Variants in FRMD4A observed in about 807,000 individuals in gnomAD.
FRMD4A encodes the protein FERM domain-containing protein 4A.
Under a neutral mutation model 129.1 loss-of-function variants are expected in FRMD4A, and 29 were observed. The observed-to-expected ratio is 0.22, with a 90% CI of 0.17 to 0.31. The LOEUF (loss-of-function observed/expected upper bound fraction) is 0.31. Ranked by LOEUF, FRMD4A falls within the 10% of genes least tolerant of loss-of-function variation. The probability of loss-of-function intolerance (pLI) is 1.00; values close to 1 mark genes in which losing one functional copy is unlikely to be tolerated. For missense variants in FRMD4A, 1,272 were observed against 1,375.8 expected (o/e 0.92, Z 1.19); for synonymous variants, 634 against 571.6 (o/e 1.11, Z -1.56).
intron 3 of FRMD4A, among the ~76,000 whole-genome samples, chr10:13,857,865 C>A (rs964438083): frequency 6.6e-6 from 1 of 152,192 alleles, no homozygotes; most frequent in African/African-American, 2.4e-5. Flanking sequence ...GAGTTGGAGA[C>A]ACCATTCTTT....
intron 2 of FRMD4A, among the ~76,000 whole-genome samples, chr10:14,033,739 C>G (rs1443403607): frequency 6.8e-6 from 1 of 147,692 alleles, no homozygotes; most frequent in Non-Finnish European, 1.5e-5. Flanking sequence ...GAGCCGAGAT[C>G]GTGTCATTGC....
intron 2 of FRMD4A, among the ~76,000 whole-genome samples, chr10:14,099,375 A>G (rs1358402599): frequency 6.6e-6 from 1 of 152,234 alleles, no homozygotes; most frequent in Non-Finnish European, 1.5e-5. Context: ...CAAGATAATT[A>G]CGATCAGAAT....
At chr10:14,027,758 C>T (rs1833051062) in intron 2 of FRMD4A, among the ~76,000 whole-genome samples, 1 of 152,206 alleles carries the variant, frequency 6.6e-6, no homozygotes, top group Non-Finnish European at 1.5e-5. Context: ...AGCACTGGGG[C>T]TCTAGAAGAA....
chr10:14,229,190 A>G (rs1019680951), intron 2 of FRMD4A, among the ~76,000 whole-genome samples: 1 of 151,998 alleles, frequency 6.6e-6, no homozygotes, highest in Non-Finnish European at 1.5e-5. Context: ...GGATAAGACA[A>G]CTTTCTCATT....
intron 2 of FRMD4A, among the ~76,000 whole-genome samples, chr10:14,286,772 C>A (rs945803487): frequency 6.6e-6 from 1 of 152,032 alleles, no homozygotes; most frequent in Non-Finnish European, 1.5e-5. Context: ...TAAACAAATC[C>A]ACCCTTCAAA....
At chr10:13,769,268 T>A (rs2092385083) in intron 6 of FRMD4A, among the ~76,000 whole-genome samples, 1 of 151,760 alleles carries the variant, frequency 6.6e-6, no homozygotes, top group Non-Finnish European at 1.5e-5. Context: ...TCACCGTGTC[T>A]GTGGTGTATT....
intron 2 of FRMD4A, among the ~76,000 whole-genome samples, chr10:14,089,985 T>C (rs1317894265): frequency 3.3e-5 from 5 of 152,232 alleles, no homozygotes; most frequent in Admixed American, 6.5e-5. Flanking sequence ...CGATATTCTC[T>C]AGAAGAGAGG....
intron 2 of FRMD4A, among the ~76,000 whole-genome samples, chr10:13,936,739 G>A (rs1051250128): frequency 1.3e-5 from 2 of 152,266 alleles, no homozygotes; most frequent in Non-Finnish European, 2.9e-5. Flanking sequence ...TATTATACAA[G>A]CCTGAATAGA....
intron 2 of FRMD4A, among the ~76,000 whole-genome samples, chr10:13,929,901 C>T (rs1441561782): frequency 6.6e-5 from 10 of 152,090 alleles, no homozygotes; most frequent in Non-Finnish European, 1.5e-4. Context: ...TAAATACTCT[C>T]ATAAGGTTGC....
chr10:13,815,204 G>A (rs1191217226), intron 3 of FRMD4A, among the ~76,000 whole-genome samples: 1 of 152,192 alleles, frequency 6.6e-6, no homozygotes, highest in Admixed American at 6.5e-5. Flanking sequence ...AAACAAGGTT[G>A]AGATACACAG....
intron 2 of FRMD4A, among the ~76,000 whole-genome samples, chr10:14,287,392 C>T (rs949384012): frequency 7.9e-5 from 12 of 152,142 alleles, no homozygotes; most frequent in South Asian, 2.1e-4. Context: ...TTGAGTTTTA[C>T]AGTTAGTAGT....
intron 2 of FRMD4A, among the ~76,000 whole-genome samples, chr10:14,038,754 G>A (rs1833624269): frequency 6.6e-6 from 1 of 152,184 alleles, no homozygotes; most frequent in Admixed American, 6.5e-5. Context: ...AAGGCTGAAG[G>A]TTCCCCGGTG....
intron 2 of FRMD4A, among the ~76,000 whole-genome samples, chr10:13,934,562 A>G (rs914757445): frequency 1.2e-4 from 18 of 152,060 alleles, no homozygotes; most frequent in Admixed American, 6.6e-4. Flanking sequence ...AATCCCACTT[A>G]TATCCTTGTT....
chr10:13,779,172 C>T (rs1482386479), intron 6 of FRMD4A, among the ~76,000 whole-genome samples: 2 of 152,148 alleles, frequency 1.3e-5, no homozygotes, highest in Admixed American at 1.3e-4. Context: ...CAAAAATTAG[C>T]CAGGTGTGAT....
At chr10:13,734,258 C>T (rs1046521704) in intron 12 of FRMD4A, among the ~76,000 whole-genome samples, 1 of 152,204 alleles carries the variant, frequency 6.6e-6, no homozygotes. Flanking sequence ...GCCCTACCCT[C>T]ATCATGTCCT....
intron 14 of FRMD4A, among the ~76,000 whole-genome samples, chr10:13,700,820 CTT>C (rs71503097): frequency 0.26 from 11,587 of 44,084 alleles, 794 homozygotes; most frequent in Middle Eastern, 0.38. Flanking sequence ...AGGGTAGTTG[CTT>C]TTTTTTTTTT....
intron 2 of FRMD4A, among the ~76,000 whole-genome samples, chr10:14,187,803 G>T (rs1842195112): frequency 6.6e-5 from 10 of 152,226 alleles, no homozygotes; most frequent in Non-Finnish European, 8.8e-5. Context: ...AGTAGACTTG[G>T]GAAATTTGGT....
At chr10:13,834,352 C>T (rs900409395) in intron 3 of FRMD4A, among the ~76,000 whole-genome samples, 2 of 152,094 alleles carry the variant, frequency 1.3e-5, no homozygotes, top group African/African-American at 2.4e-5. Flanking sequence ...AGCAGCCAGG[C>T]AGCCTAACCA....
intron 9 of FRMD4A, among the ~76,000 whole-genome samples, chr10:13,744,179 G>A (rs569308694): frequency 4.7e-4 from 72 of 152,156 alleles, no homozygotes; most frequent in African/African-American, 1.6e-3. Context: ...CAGTGGTTTC[G>A]GGGTTAAAAA....
Sources: allele counts gnomAD v4.1 joint callset (sites outside exome capture counted in the v4.1 genomes callset), GRCh38; gene constraint gnomAD v4.1.1; transcripts MANE v1.5; gene names NCBI Gene and HGNC (gene_info 2026-07-23, HGNC 2026-07-21).